PCGF5: variants seen among roughly 807,000 people sequenced by gnomAD.
The protein encoded by PCGF5 is polycomb group ring finger 5, also known as polycomb group RING finger protein 5.
A neutral mutation model predicts 44.3 loss-of-function variants in PCGF5; 9 were observed. The observed-to-expected ratio is 0.20, with a 90% CI of 0.12 to 0.35. The LOEUF is 0.35. PCGF5 is among the 10% of genes least tolerant of loss of function. The probability of loss-of-function intolerance (pLI) is 1.00; values close to 1 mark genes in which losing one functional copy is unlikely to be tolerated. For synonymous variants in PCGF5, 95 were observed against 102.5 expected, an observed-to-expected ratio of 0.93 and a Z score of 0.44; for missense variants, 146 against 305.3, an observed-to-expected ratio of 0.48 and a Z score of 3.89.
At chr10:91,240,449 G>A (rs750009595) in intron 2 of PCGF5, 35 bp from the exon 3 acceptor site, 6 of 1,374,226 alleles carry the variant, frequency 4.4e-6, no homozygotes, top group Admixed American at 1.8e-5. Context: ...GCGTTCATAT[G>A]ATGCGTTTTA....
chr10:91,270,802 C>T (rs1256446329), intron 8 of PCGF5, among the ~76,000 whole-genome samples: 1 of 151,884 alleles, frequency 6.6e-6, no homozygotes, highest in African/African-American at 2.4e-5. Context: ...GAAAAGTATG[C>T]AATGTTGAAT....
chr10:91,199,199 TAAAC>T (rs1280584869), intron 1 of PCGF5, among the ~76,000 whole-genome samples: 1 of 152,226 alleles, frequency 6.6e-6, no homozygotes, highest in East Asian at 1.9e-4. Context: ...TATGACATAA[TAAAC>T]AAGTAGAAAA....
At chr10:91,228,947 T>C (rs1047506146) in intron 2 of PCGF5, among the ~76,000 whole-genome samples, 2 of 152,226 alleles carry the variant, frequency 1.3e-5, no homozygotes, top group African/African-American at 4.8e-5. Context: ...CACTAAAGTT[T>C]AAGAAGCACT....
upstream of PCGF5, among the ~76,000 whole-genome samples, chr10:91,162,209 G>A (rs1209574226): frequency 1.3e-5 from 2 of 151,052 alleles, no homozygotes; most frequent in Non-Finnish European, 2.9e-5. Flanking sequence ...CCCAGCTATT[G>A]AGGACTCTGA....
chr10:91,265,704 A>G (rs1846034858), intron 8 of PCGF5, among the ~76,000 whole-genome samples: 1 of 152,166 alleles, frequency 6.6e-6, no homozygotes, highest in African/African-American at 2.4e-5. Context: ...TATGGGTAAG[A>G]TATTTGGCTC....
intron 6 of PCGF5, among the ~76,000 whole-genome samples, chr10:91,259,646 A>C (rs1319921237): frequency 6.6e-6 from 1 of 152,168 alleles, no homozygotes; most frequent in Non-Finnish European, 1.5e-5. Flanking sequence ...AACAGAACAG[A>C]GCCCTCAGAA....
At chr10:91,269,000 AG>A in intron 8 of PCGF5, among the ~76,000 whole-genome samples, 1 of 152,246 alleles carries the variant, frequency 6.6e-6, no homozygotes, top group East Asian at 1.9e-4. Context: ...GGGAGGAAAA[AG>A]GAAAAAAAAA....
At chr10:91,228,690 C>T (rs1339545839) in intron 2 of PCGF5, among the ~76,000 whole-genome samples, 3 of 152,132 alleles carry the variant, frequency 2.0e-5, no homozygotes, top group Non-Finnish European at 4.4e-5. Context: ...CATAAATATA[C>T]AAGTACTTAA....
At position 91,282,611 on chromosome 10, in the gene PCGF5, T is replaced by A. The variant is rs575232339; in HGVS notation, c.*4295T>A. On this transcript the variant is annotated 3_prime_UTR_variant, in exon 10 of 10. Transcript: ENST00000336126. The stretch of plus-strand genomic sequence containing the variant: ...ATGTACATCAAGAGGAAGTTCCATA[T>A]CCCCCTTGTACCATTTCTCCTTGGG... The A allele has an allele frequency of 6.6e-6, 1 of 152,624 alleles. No individual in the cohort carries two copies. Among genetic ancestry groups the A allele is most frequent in the East Asian group, 1.9e-4 (1 of 5,176 alleles). The allele number at this position is 152,624 out of a possible 1,614,324, so 9.5% of individuals were successfully genotyped here.
intron 1 of PCGF5, among the ~76,000 whole-genome samples, chr10:91,168,728 A>G (rs143839613): frequency 8.2e-4 from 125 of 152,108 alleles, no homozygotes; most frequent in Non-Finnish European, 1.6e-3. Flanking sequence ...AGAGTTCCAG[A>G]CCAGTCTGGC....
intron 1 of PCGF5, among the ~76,000 whole-genome samples, chr10:91,197,449 G>A (rs1014741493): frequency 2.0e-5 from 3 of 152,138 alleles, no homozygotes; most frequent in Admixed American, 6.5e-5. Flanking sequence ...TTGAGGATGA[G>A]GGCTTCCTGT....
chr10:91,249,912 A>G (rs1421534187), intron 5 of PCGF5, among the ~76,000 whole-genome samples: 1 of 151,380 alleles, frequency 6.6e-6, no homozygotes, highest in African/African-American at 2.4e-5. Flanking sequence ...AAAAATACAG[A>G]TAAGATAAGG....
chr10:91,166,827 G>A (rs1306999304), intron 1 of PCGF5, among the ~76,000 whole-genome samples: 1 of 152,208 alleles, frequency 6.6e-6, no homozygotes, highest in Admixed American at 6.5e-5. Flanking sequence ...GATTGTGTGA[G>A]ACTGAGATAA....
At chr10:91,175,000 C>T (rs1315112147) in intron 1 of PCGF5, among the ~76,000 whole-genome samples, 1 of 152,196 alleles carries the variant, frequency 6.6e-6, no homozygotes, top group Non-Finnish European at 1.5e-5. Flanking sequence ...ACCTAAGTGC[C>T]TTTAACTGAG....
intron 1 of PCGF5, among the ~76,000 whole-genome samples, chr10:91,206,003 C>T (rs915957160): frequency 1.1e-4 from 16 of 152,076 alleles, no homozygotes; most frequent in African/African-American, 2.9e-4. Context: ...ACCTGGGTGA[C>T]GGACCGCGAC....
At chr10:91,165,963 A>G (rs940950819) in intron 1 of PCGF5, among the ~76,000 whole-genome samples, 8 of 152,196 alleles carry the variant, frequency 5.3e-5, no homozygotes, top group African/African-American at 1.7e-4. Flanking sequence ...TTCCCTTTCC[A>G]TAATAGTAGC....
chr10:91,185,171 G>C (rs1589357063), intron 1 of PCGF5, among the ~76,000 whole-genome samples: 1 of 152,256 alleles, frequency 6.6e-6, no homozygotes, highest in Middle Eastern at 3.4e-3. Flanking sequence ...CTCTCTCCCA[G>C]GAGGTTCTTA....
chr10:91,215,415 G>A (rs953650262), upstream of PCGF5, among the ~76,000 whole-genome samples: 7 of 152,198 alleles, frequency 4.6e-5, no homozygotes, highest in Admixed American at 3.9e-4. Context: ...GCTAGAAAAG[G>A]AGAATACCCA....
At chr10:91,226,458 G>A (rs865782811) in intron 2 of PCGF5, among the ~76,000 whole-genome samples, 1 of 152,182 alleles carries the variant, frequency 6.6e-6, no homozygotes, top group Non-Finnish European at 1.5e-5. Context: ...CAGGCAGATA[G>A]TAGCCCTTGA....
Sources: allele counts gnomAD v4.1 joint callset (sites outside exome capture counted in the v4.1 genomes callset), GRCh38; gene constraint gnomAD v4.1.1; transcripts MANE v1.5; gene names NCBI Gene and HGNC (gene_info 2026-07-23, HGNC 2026-07-21).